Variants in CNOT1 observed in about 807,000 individuals in gnomAD.
The protein encoded by CNOT1 is CCR4-associated factor 1.
CNOT1 carries 15 observed loss-of-function variants against 273.8 expected under a neutral mutation model. The ratio of observed to expected loss-of-function variants is 0.05; its 90% CI spans 0.04 to 0.08. The LOEUF (loss-of-function observed/expected upper bound fraction) is 0.08, where lower values mean the gene tolerates loss of function less well. Among genes scored for constraint, CNOT1 ranks in the 10% least tolerant of loss-of-function variants. CNOT1 has a pLI of 1.00. For synonymous variants in CNOT1, 1,022 were observed against 1,005.5 expected (o/e 1.02, Z -0.31); for missense variants, 1,644 against 2,912.2 (o/e 0.56, Z 10.02).
intron 31 of CNOT1, chr16:58,543,193 A>AG: frequency 6.7e-7 from 1 of 1,487,836 alleles, no homozygotes; most frequent in Non-Finnish European, 9.0e-7. Flanking sequence ...ATGATATCTG[A>AG]GACTCAAAAC....
intron 14 of CNOT1, 58 bp downstream of exon 14, chr16:58,576,405 C>T: frequency 5.0e-6 from 8 of 1,608,296 alleles, no homozygotes; most frequent in Non-Finnish European, 3.4e-6. Context: ...GCCACCGCGC[C>T]CGGCCTTTTT....
intron 43 of CNOT1, among the ~76,000 whole-genome samples, 198 bp downstream of exon 43, chr16:58,530,048 G>T (rs565790921): frequency 6.6e-6 from 1 of 152,050 alleles, no homozygotes; most frequent in Non-Finnish European, 1.5e-5. Flanking sequence ...TAAAACTGTA[G>T]TATCTTCTAC....
At position 58,556,844 on chromosome 16, in the gene CNOT1, TACAAGGTTTC is replaced by T. The variant is rs1481537730; in HGVS notation, c.2472_2479+2del. 1 of 1,612,528 alleles carries T rather than the reference TACAAGGTTTC, an allele frequency of 6.2e-7. No homozygotes were observed. Among genetic ancestry groups the T allele is most frequent in the East Asian group, 2.2e-5 (1 of 44,838 alleles). Reference sequence around the variant, plus strand: ...CACAATCACAGACAACACTACCACTTACAAGGTTTCATCTTACTCTGCTGGAATGTAGGCT... The same window carrying T: ...CACAATCACAGACAACACTACCACTTATCTTACTCTGCTGGAATGTAGGCT... On this transcript the variant is annotated splice_donor_variant and coding_sequence_variant, in exon 19 of 49. Coordinates refer to ENST00000317147, the MANE Select transcript of CNOT1 (RefSeq NM_016284.5). LOFTEE classifies it high-confidence loss of function.
chr16:58,589,726 T>A (rs2041992809), intron 2 of CNOT1, among the ~76,000 whole-genome samples: 2 of 152,196 alleles, frequency 1.3e-5, no homozygotes, highest in South Asian at 2.1e-4. Flanking sequence ...TAATGCTACG[T>A]GGCACAGCCT....
At position 58,589,072 on chromosome 16, in the gene CNOT1, A is replaced by G. The variant is rs140912945; in HGVS notation, c.103-166T>C. On this transcript the variant is annotated intron_variant, in intron 2 of 48. Transcript: ENST00000317147. ...TTATTGATGGAAGTGCCCATAATTT[A>G]TAACTCAATTTTTTTTTTAGAGAGG... is the stretch of plus-strand genomic sequence containing the variant. Among the ~76,000 whole-genome samples, 401 of 152,282 alleles carry G rather than the reference A, an allele frequency of 2.6e-3. 3 individuals are homozygous for G. The highest frequency in any genetic ancestry group is 9.0e-3 in the African/African-American group (373 of 41,570).
In CNOT1 at chr16:58,555,237, AC is replaced by A. The variant is rs758658657; in HGVS notation, c.2891+13del. The A allele has an allele frequency of 7.4e-6, 12 of 1,612,444 alleles. No individual in the cohort carries two copies. The East Asian group carries it at 2.5e-4, about 33-fold the overall frequency. ...TCAGGGAAGAGATCCTTCACAGGAAACCTATCCACTTACCTGTTTTTAAATC... is the reference window on the plus strand; with the variant it reads ...TCAGGGAAGAGATCCTTCACAGGAAACTATCCACTTACCTGTTTTTAAATC... On this transcript the variant is annotated intron_variant, in intron 21 of 48. Coordinates refer to ENST00000317147, the MANE Select transcript of CNOT1 (RefSeq NM_016284.5).
intron 13 of CNOT1, 45 bp from the exon 14 acceptor site, chr16:58,576,627 G>A (rs573055276): frequency 1.2e-6 from 2 of 1,610,552 alleles, no homozygotes; most frequent in East Asian, 2.2e-5. Context: ...GCTAAACACT[G>A]TGATAGATAT....
intron 1 of CNOT1, among the ~76,000 whole-genome samples, chr16:58,619,046 A>G (rs531749220): frequency 2.0e-5 from 3 of 152,200 alleles, no homozygotes; most frequent in East Asian, 3.9e-4. Context: ...AACTTTTTTT[A>G]ATTAGCTGGA....
At chr16:58,541,210 A>C (rs1318645537) in intron 34 of CNOT1, among the ~76,000 whole-genome samples, 1 of 152,162 alleles carries the variant, frequency 6.6e-6, no homozygotes, top group Non-Finnish European at 1.5e-5. Flanking sequence ...GTCTCAAAAA[A>C]ATAAATAATA....
At chr16:58,599,068 A>G in intron 2 of CNOT1, 168 bp downstream of exon 2, 1 of 806,578 alleles carries the variant, frequency 1.2e-6, no homozygotes, top group Non-Finnish European at 1.8e-6. Context: ...AAAAAAAAAA[A>G]AAGATTGGGC....
At chr16:58,598,901 T>TA in intron 2 of CNOT1, 1 of 234,098 alleles carries the variant, frequency 4.3e-6, no homozygotes, top group South Asian at 5.9e-5. Flanking sequence ...CTACTAAAAA[T>TA]ACAGCCGGGC....
chr16:58,608,266 T>C (rs996321080), intron 1 of CNOT1, among the ~76,000 whole-genome samples: 1 of 151,548 alleles, frequency 6.6e-6, no homozygotes, highest in East Asian at 1.9e-4. Context: ...CAAAACACAG[T>C]GAAACCAGGC....
chr16:58,585,656 TACG>T, intron 7 of CNOT1, 150 bp from the exon 8 acceptor site: 1 of 1,351,664 alleles, frequency 7.4e-7, no homozygotes, highest in South Asian at 1.7e-5. Flanking sequence ...TAGCCGAAGT[TACG>T]ACTTTAACAT....
At chr16:58,576,640 T>C in intron 13 of CNOT1, 58 bp from the exon 14 acceptor site, 1 of 1,604,722 alleles carries the variant, frequency 6.2e-7, no homozygotes, top group South Asian at 1.1e-5. Flanking sequence ...ATAGATATTA[T>C]TACAAATGCC....
intron 18 of CNOT1, among the ~76,000 whole-genome samples, chr16:58,557,726 T>G (rs1267187792): frequency 6.6e-6 from 1 of 152,194 alleles, no homozygotes; most frequent in Non-Finnish European, 1.5e-5. Flanking sequence ...CAGTGGCTCA[T>G]GCCTGTAATC....
chr16:58,578,416 G>A (rs2041538959), intron 13 of CNOT1, among the ~76,000 whole-genome samples: 1 of 142,990 alleles, frequency 7.0e-6, no homozygotes, highest in Admixed American at 7.2e-5. Flanking sequence ...CTGCACCATT[G>A]CACTCCAGCC....
chr16:58,598,902 A>G (rs1348221866), intron 2 of CNOT1: 1 of 234,226 alleles, frequency 4.3e-6, no homozygotes, highest in Non-Finnish European at 8.7e-6. Flanking sequence ...TACTAAAAAT[A>G]CAGCCGGGCA....
chr16:58,535,438 A>T (rs2039896367), intron 39 of CNOT1, among the ~76,000 whole-genome samples: 1 of 152,252 alleles, frequency 6.6e-6, no homozygotes, highest in Non-Finnish European at 1.5e-5. Flanking sequence ...GATACAAAAC[A>T]GCACAGAAAA....
At position 58,556,971 on chromosome 16, in the gene CNOT1, G is replaced by T. The variant is rs750765540; in HGVS notation, c.2355C>A (p.Ser785Arg). Reference sequence around the variant, plus strand: ...GAGCACCAGTTCCTATACCAGTCAGGCTGCCTGTGCCAAGACCACCTACTA... The same window carrying T: ...GAGCACCAGTTCCTATACCAGTCAGTCTGCCTGTGCCAAGACCACCTACTA... ...QLPVGGLGTGSLTGIGTGALG... is the reference protein window; with the variant it reads ...QLPVGGLGTGRLTGIGTGALG... Residue 785 changes from serine (S) to arginine (R), a missense_variant, in exon 19 of 49, where the codon AGC becomes AGA. Around this residue, in one of 13 missense-constraint regions of CNOT1, gnomAD observed 706 missense variants for 1,021.2 expected, o/e 0.69. Coordinates refer to ENST00000317147, the MANE Select transcript of CNOT1 (RefSeq NM_016284.5). 7.4e-6 allele frequency: 12 copies of T among 1,613,942 alleles called. No homozygotes were observed. Among genetic ancestry groups the T allele is most frequent in the Non-Finnish European group, 1.0e-5 (12 of 1,179,990 alleles).
Sources: allele counts gnomAD v4.1 joint callset (sites outside exome capture counted in the v4.1 genomes callset), GRCh38; gene constraint gnomAD v4.1.1; regional missense constraint gnomAD v4.1.1; transcripts MANE v1.5; gene names NCBI Gene and HGNC (gene_info 2026-07-23, HGNC 2026-07-21).